Variants in UBR3 observed in about 807,000 individuals in gnomAD.
The protein encoded by UBR3 is ubiquitin protein ligase E3 component n-recognin 3.
Under a neutral mutation model 243.2 loss-of-function variants are expected in UBR3, and 85 were observed. The ratio of observed to expected loss-of-function variants is 0.35; its 90% CI spans 0.29 to 0.42. UBR3 has a LOEUF of 0.42. Ranked by LOEUF, UBR3 falls within the 10% of genes least tolerant of loss-of-function variation. The probability of loss-of-function intolerance (pLI) is 1.00; values close to 1 mark genes in which losing one functional copy is unlikely to be tolerated. For synonymous variants in UBR3, 748 were observed against 799.8 expected (o/e 0.94, Z 1.09); for missense variants, 1,686 against 2,300.8 (o/e 0.73, Z 5.47).
At chr2:169,860,420 C>T (rs1246729424) in intron 1 of UBR3, among the ~76,000 whole-genome samples, 1 of 152,136 alleles carries the variant, frequency 6.6e-6, no homozygotes, top group Non-Finnish European at 1.5e-5. Flanking sequence ...TTTATCTGCA[C>T]TGGTAATGCA....
At chr2:169,862,071 A>G (rs1272294234) in intron 1 of UBR3, among the ~76,000 whole-genome samples, 3 of 151,956 alleles carry the variant, frequency 2.0e-5, no homozygotes, top group Non-Finnish European at 4.4e-5. Flanking sequence ...CCGTTACCAT[A>G]TTGTTTGTTT....
At chr2:169,964,468 G>T in intron 24 of UBR3, 1 of 469,152 alleles carries the variant, frequency 2.1e-6, no homozygotes, top group East Asian at 7.0e-5. Flanking sequence ...GTATTGCCTT[G>T]AATAAGAGAA....
chr2:170,053,137 A>G (rs2091259183), intron 32 of UBR3, among the ~76,000 whole-genome samples: 1 of 152,204 alleles, frequency 6.6e-6, no homozygotes, highest in Non-Finnish European at 1.5e-5. Flanking sequence ...CCTGCTTGCA[A>G]GGTTAGGCCT....
At chr2:170,075,291 A>G (rs1393117802) in intron 36 of UBR3, among the ~76,000 whole-genome samples, 1 of 152,130 alleles carries the variant, frequency 6.6e-6, no homozygotes, top group East Asian at 1.9e-4. Flanking sequence ...TTCACAGAGC[A>G]TATAGCAATA....
intron 1 of UBR3, among the ~76,000 whole-genome samples, chr2:169,849,644 A>T (rs2105291777): frequency 6.6e-6 from 1 of 152,326 alleles, no homozygotes; most frequent in East Asian, 1.9e-4. Flanking sequence ...AGTTGGTCAG[A>T]TACTGTTAAG....
At chr2:169,880,132 A>G (rs1243860818) in intron 5 of UBR3, among the ~76,000 whole-genome samples, 1 of 152,182 alleles carries the variant, frequency 6.6e-6, no homozygotes, top group Non-Finnish European at 1.5e-5. Context: ...GGGTGAATGA[A>G]TGGGCACTTC....
intron 33 of UBR3, among the ~76,000 whole-genome samples, chr2:170,059,411 A>G (rs1277351919): frequency 6.6e-6 from 1 of 152,228 alleles, no homozygotes; most frequent in Admixed American, 6.5e-5. Context: ...GTACATTTAG[A>G]GAAACTTAAC....
At chr2:169,906,296 C>A in intron 10 of UBR3, 132 bp downstream of exon 10, 1 of 1,057,534 alleles carries the variant, frequency 9.5e-7, no homozygotes, top group African/African-American at 1.6e-5. Flanking sequence ...TGAAAACTGA[C>A]CTGAGACAGT....
chr2:170,058,716 G>C (rs914500858), intron 33 of UBR3, among the ~76,000 whole-genome samples: 1 of 151,852 alleles, frequency 6.6e-6, no homozygotes, highest in Non-Finnish European at 1.5e-5. Flanking sequence ...AAGTCTTGCT[G>C]TGTTGCCCAG....
rs1172925304 is a variant in UBR3, at chr2:169,915,446, G to C, written c.1866+1300G>C. Among the ~76,000 whole-genome samples, 12 of 152,222 alleles carry C rather than the reference G, an allele frequency of 7.9e-5. No homozygotes were observed. In the East Asian group the frequency reaches 2.3e-3, roughly 29 times the overall value. On this transcript the variant is annotated intron_variant, in intron 11 of 38. Coordinates refer to ENST00000272793, the MANE Select transcript of UBR3 (RefSeq NM_172070.4). ...GGACGGAGTTTCACCATGTTGGCCA[G>C]GCTGGCCTGGAACTCCTGACCTCAG... is the stretch of plus-strand genomic sequence containing the variant.
intron 1 of UBR3, among the ~76,000 whole-genome samples, chr2:169,868,034 A>G (rs1443822269): frequency 6.6e-6 from 1 of 152,214 alleles, no homozygotes; most frequent in African/African-American, 2.4e-5. Context: ...ATTAGGGAAA[A>G]TATCCCTTGG....
At chr2:170,015,637 T>G (rs1428120243) in intron 30 of UBR3, among the ~76,000 whole-genome samples, 3 of 151,944 alleles carry the variant, frequency 2.0e-5, no homozygotes, top group African/African-American at 7.2e-5. Context: ...CTATAAAAAA[T>G]TGTTCTTAAA....
At chr2:169,911,483 T>G (rs1279352528) in intron 10 of UBR3, among the ~76,000 whole-genome samples, 1 of 152,136 alleles carries the variant, frequency 6.6e-6, no homozygotes, top group Non-Finnish European at 1.5e-5. Context: ...TCATAAAATT[T>G]AAGTAATTTG....
intron 19 of UBR3, 108 bp downstream of exon 19, chr2:169,933,116 C>A: frequency 2.9e-6 from 2 of 695,156 alleles, no homozygotes; most frequent in South Asian, 2.5e-5. Flanking sequence ...TACTTTCATT[C>A]TTTAAAGGTG....
chr2:169,940,162 A>G (rs1487445626), intron 19 of UBR3, among the ~76,000 whole-genome samples: 6 of 152,148 alleles, frequency 3.9e-5, no homozygotes, highest in Non-Finnish European at 7.4e-5. Flanking sequence ...TATGTTGGGA[A>G]CATTACAGTT....
intron 8 of UBR3, among the ~76,000 whole-genome samples, chr2:169,898,632 T>C (rs2084683813): frequency 6.6e-6 from 1 of 150,514 alleles, no homozygotes; most frequent in African/African-American, 2.4e-5. Flanking sequence ...AGTGGGAGCA[T>C]AATACATTAT....
At chr2:169,891,073 A>G in intron 5 of UBR3, 92 bp from the exon 6 acceptor site, 2 of 805,706 alleles carry the variant, frequency 2.5e-6, no homozygotes, top group Non-Finnish European at 3.9e-6. Context: ...GCATGCATAT[A>G]TTATGTGTTT....
At chr2:170,013,453 A>C (rs1404589288) in intron 29 of UBR3, among the ~76,000 whole-genome samples, 1 of 152,176 alleles carries the variant, frequency 6.6e-6, no homozygotes, top group Admixed American at 6.6e-5. Flanking sequence ...AAAATTTTTA[A>C]GAAATGTAAA....
chr2:169,918,857 A>G (rs956889556), intron 11 of UBR3, among the ~76,000 whole-genome samples: 4 of 152,214 alleles, frequency 2.6e-5, no homozygotes, highest in African/African-American at 9.6e-5. Context: ...TGTTGTAAAC[A>G]TAGGGGATAC....
Sources: allele counts gnomAD v4.1 joint callset (sites outside exome capture counted in the v4.1 genomes callset), GRCh38; gene constraint gnomAD v4.1.1; transcripts MANE v1.5; gene names NCBI Gene and HGNC (gene_info 2026-07-23, HGNC 2026-07-21).